FGGY: variants seen among roughly 807,000 people sequenced by gnomAD.
FGGY encodes the protein FGGY carbohydrate kinase domain containing.
Under a neutral mutation model 71.3 loss-of-function variants are expected in FGGY, and 72 were observed. The observed-to-expected ratio is 1.01, with a 90% CI of 0.84 to 1.23. The LOEUF (loss-of-function observed/expected upper bound fraction) is 1.23, where lower values mean the gene tolerates loss of function less well. Among genes scored for constraint, FGGY ranks in the 50% most tolerant of loss-of-function variants. FGGY has a pLI of 0.00. For synonymous variants in FGGY, 251 were observed against 250.3 expected (o/e 1.00, Z -0.02); for missense variants, 668 against 682.3 (o/e 0.98, Z 0.23).
chr1:59,641,156 G>A, intron 11 of FGGY: 1 of 663,950 alleles, frequency 1.5e-6, no homozygotes, highest in Non-Finnish European at 2.6e-6. Context: ...ATTCTAGAGG[G>A]AAGAGAGCAT....
intron 1 of FGGY, among the ~76,000 whole-genome samples, chr1:59,320,456 C>T (rs1235833474): frequency 6.6e-6 from 1 of 152,140 alleles, no homozygotes; most frequent in Non-Finnish European, 1.5e-5. Flanking sequence ...GTAGGGCATC[C>T]ACCTGCTCAG....
chr1:59,686,593 T>C (rs1436851290), intron 14 of FGGY, among the ~76,000 whole-genome samples: 1 of 152,134 alleles, frequency 6.6e-6, no homozygotes, highest in African/African-American at 2.4e-5. Context: ...TTTTTTAATC[T>C]CTACTTTTTT....
intron 10 of FGGY, among the ~76,000 whole-genome samples, chr1:59,627,913 G>C (rs2096874522): frequency 6.6e-6 from 1 of 152,120 alleles, no homozygotes; most frequent in Non-Finnish European, 1.5e-5. Flanking sequence ...AATAAACGAG[G>C]ACGAAATGAC....
At position 59,589,058 on chromosome 1, in the gene FGGY, A is replaced by G. The variant is rs190667697; in HGVS notation, c.904-18745A>G. On this transcript the variant is annotated intron_variant, in intron 8 of 15. Coordinates refer to ENST00000303721, the MANE Select transcript of FGGY (RefSeq NM_018291.5). ...TTCAGGAAACCCAGCTCACATGCAG[A>G]GACACACATAGGCTCAAAATAAAAG... Among the ~76,000 whole-genome samples, 451 of 152,336 alleles carry G rather than the reference A, an allele frequency of 3.0e-3. 1 individual carries two copies. Among genetic ancestry groups the G allele is most frequent in the African/African-American group, 0.01 (426 of 41,580 alleles).
intron 1 of FGGY, among the ~76,000 whole-genome samples, chr1:59,320,306 T>G (rs2046167937): frequency 1.3e-5 from 2 of 152,362 alleles, no homozygotes; most frequent in East Asian, 3.9e-4. Flanking sequence ...GAACATCTGC[T>G]GGTTGATTTT....
At chr1:59,302,763 T>C (rs1271223380) in intron 1 of FGGY, among the ~76,000 whole-genome samples, 1 of 152,158 alleles carries the variant, frequency 6.6e-6, no homozygotes, top group Non-Finnish European at 1.5e-5. Context: ...TTAAATAAAA[T>C]TGAACTTTAT....
chr1:59,435,670 C>T (rs572722420), intron 5 of FGGY, among the ~76,000 whole-genome samples: 7 of 152,156 alleles, frequency 4.6e-5, no homozygotes, highest in African/African-American at 1.4e-4. Flanking sequence ...TTGCTGCCCA[C>T]GCTGCCCAAA....
chr1:59,461,191 G>A (rs2092177601), intron 6 of FGGY, among the ~76,000 whole-genome samples: 1 of 152,196 alleles, frequency 6.6e-6, no homozygotes, highest in Non-Finnish European at 1.5e-5. Context: ...TAGATGAATA[G>A]CTAACTAGAA....
At chr1:59,416,794 T>C (rs1015283028) in intron 5 of FGGY, among the ~76,000 whole-genome samples, 1 of 152,190 alleles carries the variant, frequency 6.6e-6, no homozygotes, top group African/African-American at 2.4e-5. Flanking sequence ...AGGAATCTTC[T>C]CTTCCTACTA....
chr1:59,415,338 AT>A (rs1024755733), intron 5 of FGGY, among the ~76,000 whole-genome samples: 1 of 152,146 alleles, frequency 6.6e-6, no homozygotes, highest in African/African-American at 2.4e-5. Flanking sequence ...ACAAGTGTTG[AT>A]TTTTTTCTTC....
Position 59,721,337 on chromosome 1 carries a change from G to GTTTT in FGGY, c.1513-36578_1513-36575dup, listed in dbSNP as rs71046339. On this transcript the variant is annotated intron_variant, in intron 14 of 15. Transcript: ENST00000303721. ...AGAGAGTTTTTCTTTTCTTTCCTTT[G>GTTTT]TTTTTTTTTTTTTTTTTTTGAGACG... 1.2e-3 allele frequency among the ~76,000 whole-genome samples: 128 copies of GTTTT among 105,358 alleles called. 8 individuals are homozygous for GTTTT. The highest frequency in any genetic ancestry group is 1.5e-3 in the African/African-American group (35 of 24,022). 69.1% of individuals were successfully genotyped at this position (105,358 alleles called of 152,430 possible).
At chr1:59,379,219 G>A (rs1354993039) in intron 5 of FGGY, among the ~76,000 whole-genome samples, 3 of 136,698 alleles carry the variant, frequency 2.2e-5, no homozygotes, top group Non-Finnish European at 4.8e-5. Flanking sequence ...TAAGGACAGG[G>A]ATACATTCAG....
At chr1:59,498,863 G>A (rs1298738860) in intron 6 of FGGY, among the ~76,000 whole-genome samples, 1 of 152,162 alleles carries the variant, frequency 6.6e-6, no homozygotes, top group Non-Finnish European at 1.5e-5. Flanking sequence ...ATGCCAACTT[G>A]GCAAATTCCA....
intron 11 of FGGY, among the ~76,000 whole-genome samples, chr1:59,653,884 G>T (rs115805615): frequency 0.02 from 2,983 of 152,254 alleles, 93 homozygotes; most frequent in African/African-American, 0.068. Flanking sequence ...CTCTTCTACT[G>T]TGTCGCTTGA....
intron 1 of FGGY, chr1:59,315,470 C>T (rs1172096559): frequency 6.7e-6 from 1 of 149,980 alleles, no homozygotes; most frequent in Non-Finnish European, 1.5e-5. Flanking sequence ...CCTTTCCTTT[C>T]CCCCTCTTTT....
chr1:59,510,605 A>G (rs2094496013), intron 6 of FGGY, among the ~76,000 whole-genome samples: 1 of 152,240 alleles, frequency 6.6e-6, no homozygotes, highest in African/African-American at 2.4e-5. Context: ...GAAATATAAT[A>G]TGAGCCACAT....
At chr1:59,646,074 G>C (rs904193465) in intron 11 of FGGY, among the ~76,000 whole-genome samples, 1 of 152,188 alleles carries the variant, frequency 6.6e-6, no homozygotes, top group African/African-American at 2.4e-5. Context: ...CTAGCTGTAG[G>C]CATCACTAAA....
intron 14 of FGGY, among the ~76,000 whole-genome samples, chr1:59,716,049 A>T (rs528403301): frequency 5.3e-5 from 8 of 152,336 alleles, no homozygotes; most frequent in African/African-American, 1.9e-4. Flanking sequence ...GCTTTAAATT[A>T]TCTCAACTTA....
chr1:59,653,814 A>T (rs112554763), intron 11 of FGGY, among the ~76,000 whole-genome samples: 3 of 152,122 alleles, frequency 2.0e-5, no homozygotes, highest in Non-Finnish European at 4.4e-5. Context: ...TGATGGGTCA[A>T]ATCTTTCTCA....
Sources: allele counts gnomAD v4.1 joint callset (sites outside exome capture counted in the v4.1 genomes callset), GRCh38; gene constraint gnomAD v4.1.1; transcripts MANE v1.5; gene names NCBI Gene and HGNC (gene_info 2026-07-23, HGNC 2026-07-21).